Variants in PARD3B observed in about 807,000 individuals in gnomAD.
The protein encoded by PARD3B is par-3 family cell polarity regulator beta, also known as partitioning defective 3 homolog B.
Under a neutral mutation model 130.2 loss-of-function variants are expected in PARD3B, and 103 were observed. The ratio of observed to expected loss-of-function variants is 0.79; its 90% CI spans 0.67 to 0.93. PARD3B has a LOEUF of 0.93. Among genes scored for constraint, PARD3B ranks in the 40% least tolerant of loss-of-function variants. The pLI, the probability that PARD3B is intolerant of heterozygous loss-of-function variation, is 0.00. For missense variants in PARD3B, 1,609 were observed against 1,499.2 expected (o/e 1.07, Z -1.21); for synonymous variants, 583 against 553.2 (o/e 1.05, Z -0.76).
chr2:205,295,185 A>G (rs1452317347), intron 16 of PARD3B, among the ~76,000 whole-genome samples: 2 of 152,252 alleles, frequency 1.3e-5, no homozygotes, highest in Non-Finnish European at 2.9e-5. Context: ...CTTGGAATTT[A>G]CAATAATTTT....
In PARD3B at chr2:204,678,645, T is replaced by G. The variant is rs2036671053; in HGVS notation, c.121-7536T>G. Among the ~76,000 whole-genome samples, 2 of 151,932 alleles carry G rather than the reference T, an allele frequency of 1.3e-5. No homozygotes were observed. The highest frequency in any genetic ancestry group is 4.8e-5 in the African/African-American group (2 of 41,354). On this transcript the variant is annotated intron_variant, in intron 1 of 22. Transcript: ENST00000406610. This position sits in a 1 kb window ranked among gnomAD's most constrained non-coding sequence, Gnocchi z 4.2. Reference sequence around the variant, plus strand: ...GCCTTAGTCTCTGATGCGCAGTTGCTTCTAGTCTCTGATGCGCAGTTGCTT... The same window carrying G: ...GCCTTAGTCTCTGATGCGCAGTTGCGTCTAGTCTCTGATGCGCAGTTGCTT...
At chr2:204,835,298 T>G (rs1419779990) in intron 2 of PARD3B, among the ~76,000 whole-genome samples, 1 of 152,216 alleles carries the variant, frequency 6.6e-6, no homozygotes, top group African/African-American at 2.4e-5. Flanking sequence ...TGCCACATAC[T>G]TTGGGAATTT....
chr2:205,399,137 G>C (rs2046147684), intron 18 of PARD3B, among the ~76,000 whole-genome samples: 1 of 151,798 alleles, frequency 6.6e-6, no homozygotes, highest in African/African-American at 2.4e-5. Context: ...GGGCATGGTG[G>C]TGCATGCCTG....
intron 3 of PARD3B, among the ~76,000 whole-genome samples, chr2:205,045,014 A>G (rs1698669580): frequency 6.6e-6 from 1 of 152,100 alleles, no homozygotes; most frequent in South Asian, 2.1e-4. Context: ...GAAAAATTAG[A>G]AGATACTCAA....
chr2:204,897,957 A>G (rs1301092854), intron 2 of PARD3B, among the ~76,000 whole-genome samples: 1 of 152,090 alleles, frequency 6.6e-6, no homozygotes, highest in Non-Finnish European at 1.5e-5. Flanking sequence ...ATAAAGGACT[A>G]AATGAAAAAC....
intron 18 of PARD3B, among the ~76,000 whole-genome samples, chr2:205,304,635 CA>C (rs34125638): frequency 9.4e-4 from 126 of 133,978 alleles, no homozygotes; most frequent in African/African-American, 2.6e-3. Context: ...AACTCCATCT[CA>C]AAAAAAAAAA....
Position 205,331,782 on chromosome 2 carries a change from C to CAAAAAAAAAAAAAAAAAAAAAAA in PARD3B, c.2630+30082_2630+30104dup, listed in dbSNP as rs56654511. ...TGGGCGACAGAGTGAGACTCCGTCT[C>CAAAAAAAAAAAAAAAAAAAAAAA]AAAAAAAAAAAAAAAAAAAAAAAGA... is the stretch of plus-strand genomic sequence containing the variant. On this transcript the variant is annotated intron_variant, in intron 18 of 22. Transcript: ENST00000406610. Among the ~76,000 whole-genome samples, 84 of 48,400 alleles carry CAAAAAAAAAAAAAAAAAAAAAAA rather than the reference C, an allele frequency of 1.7e-3. 9 individuals carry two copies. The highest frequency in any genetic ancestry group is 7.7e-3 in the African/African-American group (72 of 9,302). The allele number at this position is 48,400 out of a possible 152,430, so 31.8% of individuals were successfully genotyped here.
chr2:205,048,080 C>CA (rs1339668263), intron 4 of PARD3B: 1 of 161,304 alleles, frequency 6.2e-6, no homozygotes, highest in African/African-American at 2.4e-5. Context: ...GTTCTGGCTC[C>CA]AAAATCCTTG....
chr2:205,607,281 G>GT (rs1559264909), intron 22 of PARD3B, among the ~76,000 whole-genome samples: 1 of 151,912 alleles, frequency 6.6e-6, no homozygotes, highest in African/African-American at 2.4e-5. Context: ...ATTAGATCCT[G>GT]TTTTTTAGAA....
intron 1 of PARD3B, among the ~76,000 whole-genome samples, chr2:204,572,140 T>C (rs2032039113): frequency 6.6e-6 from 1 of 152,184 alleles, no homozygotes; most frequent in Admixed American, 6.5e-5. Context: ...GTCAGTTACA[T>C]AGAGAACAAA....
chr2:204,844,020 A>C (rs555673436), intron 2 of PARD3B, among the ~76,000 whole-genome samples: 2 of 152,290 alleles, frequency 1.3e-5, no homozygotes, highest in South Asian at 4.1e-4. Flanking sequence ...AAATTCCATC[A>C]GATGGATTTA....
At chr2:205,225,303 A>G (rs894359788) in intron 15 of PARD3B, among the ~76,000 whole-genome samples, 3 of 151,594 alleles carry the variant, frequency 2.0e-5, no homozygotes, top group Non-Finnish European at 2.9e-5. Flanking sequence ...AGCCATTTTA[A>G]CTGGGGTGAG....
Position 205,575,043 on chromosome 2 carries a change from G to A in PARD3B, c.3260+21640G>A, listed in dbSNP as rs962056588. On this transcript the variant is annotated intron_variant, in intron 22 of 22. Coordinates refer to ENST00000406610, the MANE Select transcript of PARD3B (RefSeq NM_001302769.2). The surrounding 1 kb of genome is among the most constrained non-coding windows in gnomAD (Gnocchi z 4.6). Reference sequence around the variant, plus strand: ...AAAGCCATTGCTCTAGCAAAGCAAGGCATGATCCACATCAAAATACATTAT... The same window carrying A: ...AAAGCCATTGCTCTAGCAAAGCAAGACATGATCCACATCAAAATACATTAT... Among the ~76,000 whole-genome samples, 1 of 148,808 alleles carries A rather than the reference G, an allele frequency of 6.7e-6. No individual in the cohort carries two copies. Among genetic ancestry groups the A allele is most frequent in the Non-Finnish European group, 1.5e-5 (1 of 67,438 alleles).
At chr2:204,952,863 G>C (rs1689892384) in intron 2 of PARD3B, among the ~76,000 whole-genome samples, 1 of 152,034 alleles carries the variant, frequency 6.6e-6, no homozygotes, top group Middle Eastern at 3.4e-3. Flanking sequence ...CGGGTGTGGT[G>C]GTGGGCGCTT....
intron 2 of PARD3B, among the ~76,000 whole-genome samples, chr2:204,806,023 G>A (rs928916942): frequency 6.6e-6 from 1 of 152,088 alleles, no homozygotes; most frequent in African/African-American, 2.4e-5. Context: ...CATGTTCATG[G>A]ATTGGAAGAA....
intron 18 of PARD3B, among the ~76,000 whole-genome samples, chr2:205,357,199 CA>C (rs752283589): frequency 4.6e-5 from 7 of 152,236 alleles, no homozygotes; most frequent in Non-Finnish European, 1.0e-4. Context: ...GAGAGAAGGA[CA>C]TTTTTTCCTA....
At chr2:205,106,487 G>A (rs1488616546) in intron 5 of PARD3B, among the ~76,000 whole-genome samples, 1 of 4,346 alleles carries the variant, frequency 2.3e-4, no homozygotes, top group Non-Finnish European at 6.1e-4. Flanking sequence ...ATGTATGTGT[G>A]TGTGTGTGTG....
intron 2 of PARD3B, among the ~76,000 whole-genome samples, chr2:204,757,330 A>G (rs2040719338): frequency 1.3e-5 from 2 of 152,122 alleles, no homozygotes; most frequent in Non-Finnish European, 2.9e-5. Context: ...TCCTTGAGGA[A>G]TCTCCAAACT....
chr2:204,774,208 T>C (rs892074396), intron 2 of PARD3B, among the ~76,000 whole-genome samples: 2 of 151,964 alleles, frequency 1.3e-5, no homozygotes, highest in African/African-American at 4.8e-5. Flanking sequence ...TATTATGCTG[T>C]TTTGTTTTTC....
Sources: allele counts gnomAD v4.1 joint callset (sites outside exome capture counted in the v4.1 genomes callset), GRCh38; gene constraint gnomAD v4.1.1; non-coding constraint Gnocchi (gnomAD v3.1); transcripts MANE v1.5; gene names NCBI Gene and HGNC (gene_info 2026-07-23, HGNC 2026-07-21).